TSHZ2: variants seen among roughly 807,000 people sequenced by gnomAD.
TSHZ2 encodes the protein teashirt homolog 2.
In TSHZ2, 21 loss-of-function variants were observed where a neutral mutation model predicts 74.4. The ratio of observed to expected loss-of-function variants is 0.28; its 90% confidence interval spans 0.20 to 0.41. The LOEUF is 0.41. Among genes scored for constraint, TSHZ2 ranks in the 10% least tolerant of loss-of-function variants. The pLI is 1.00. For missense variants in TSHZ2, 1,244 were observed against 1,293.5 expected (o/e 0.96, Z 0.59); for synonymous variants, 540 against 515.3 (o/e 1.05, Z -0.65).
intron 1 of TSHZ2, among the ~76,000 whole-genome samples, chr20:53,197,432 G>A (rs1988899879): frequency 6.6e-6 from 1 of 152,152 alleles, no homozygotes; most frequent in Non-Finnish European, 1.5e-5. Context: ...AACCTTTGGG[G>A]TTTCCTGTTG....
chr20:53,407,213 A>G (rs1016937601), intron 2 of TSHZ2, among the ~76,000 whole-genome samples: 1 of 152,120 alleles, frequency 6.6e-6, no homozygotes, highest in African/African-American at 2.4e-5. Context: ...TTTCCACAAT[A>G]TCTAGTCCTG....
chr20:53,029,866 ATC>A (rs1186294676), intron 1 of TSHZ2, among the ~76,000 whole-genome samples: 1 of 151,940 alleles, frequency 6.6e-6, no homozygotes, highest in African/African-American at 2.4e-5. Flanking sequence ...TTTTTTTGAT[ATC>A]TCCCAATTTT....
intron 2 of TSHZ2, among the ~76,000 whole-genome samples, chr20:53,476,481 A>C (rs1985997022): frequency 6.6e-6 from 1 of 152,056 alleles, no homozygotes; most frequent in African/African-American, 2.4e-5. Context: ...AAAAACTCTC[A>C]ATAAATTAGG....
chr20:53,470,250 TC>T (rs1232838121), intron 2 of TSHZ2, among the ~76,000 whole-genome samples: 1 of 152,324 alleles, frequency 6.6e-6, no homozygotes, highest in African/African-American at 2.4e-5. Context: ...AGTAAAGTAT[TC>T]AATATATTTA....
At chr20:53,260,146 C>T (rs1291411698) in intron 2 of TSHZ2, among the ~76,000 whole-genome samples, 9 of 151,814 alleles carry the variant, frequency 5.9e-5, no homozygotes, top group Admixed American at 2.6e-4. Flanking sequence ...TACTATGCAC[C>T]GGACTCTATT....
intron 2 of TSHZ2, among the ~76,000 whole-genome samples, chr20:53,480,213 C>T (rs879349125): frequency 7.9e-5 from 12 of 151,652 alleles, no homozygotes; most frequent in Admixed American, 5.9e-4. Flanking sequence ...GGATTACAGG[C>T]GCCTGCCACC....
intron 1 of TSHZ2, among the ~76,000 whole-genome samples, chr20:53,020,989 T>C (rs1775462421): frequency 6.6e-6 from 1 of 152,136 alleles, no homozygotes; most frequent in Non-Finnish European, 1.5e-5. Context: ...TTAGGATAAG[T>C]GTGTGAATGA....
intron 2 of TSHZ2, among the ~76,000 whole-genome samples, chr20:53,337,624 A>AC (rs1250934678): frequency 6.6e-6 from 1 of 152,190 alleles, no homozygotes; most frequent in African/African-American, 2.4e-5. Context: ...CTGAACATCT[A>AC]ATGAGTACAA....
chr20:53,050,690 C>T (rs916977451), intron 1 of TSHZ2, among the ~76,000 whole-genome samples: 3 of 152,152 alleles, frequency 2.0e-5, no homozygotes, highest in African/African-American at 7.2e-5. Flanking sequence ...TTTGATAAAG[C>T]AACTGAATAA....
intron 2 of TSHZ2, among the ~76,000 whole-genome samples, chr20:53,385,133 T>TA (rs1297480322): frequency 6.6e-6 from 1 of 151,812 alleles, no homozygotes. Context: ...AAATAAAAAT[T>TA]AAAAAATGAA....
At chr20:53,021,106 T>G (rs1304519613) in intron 1 of TSHZ2, among the ~76,000 whole-genome samples, 1 of 152,216 alleles carries the variant, frequency 6.6e-6, no homozygotes, top group Non-Finnish European at 1.5e-5. Flanking sequence ...CATGGCAGTT[T>G]AACACACATT....
chr20:53,253,350 C>T (rs750604246), intron 1 of TSHZ2, 149 bp from the exon 2 acceptor site: 3 of 1,117,240 alleles, frequency 2.7e-6, no homozygotes, highest in Non-Finnish European at 2.3e-6. Flanking sequence ...CACCATTTGG[C>T]TTTTCCTGTG....
chr20:53,296,661 C>T, intron 2 of TSHZ2, among the ~76,000 whole-genome samples: 1 of 152,172 alleles, frequency 6.6e-6, no homozygotes, highest in East Asian at 1.9e-4. Context: ...AGGTCAAAGC[C>T]ATCTTCCTAG....
rs908707265 is a variant in TSHZ2, at chr20:53,202,820, G to A, written c.41-50679G>A. On this transcript the variant is annotated intron_variant, in intron 1 of 2. Coordinates refer to ENST00000371497, the MANE Select transcript of TSHZ2 (RefSeq NM_173485.6). ...TGTTTTGTTGATGGCTTTAGGCTTT[G>A]GGTTTTGATGTATGCTATAACTTGT... Among the ~76,000 whole-genome samples, 14 of 152,278 alleles carry A rather than the reference G, an allele frequency of 9.2e-5. No homozygotes were observed. In the South Asian group the frequency reaches 2.3e-3, roughly 25 times the overall value.
rs1001239401 is a variant in TSHZ2 at position 53,218,958 on chromosome 20, A to G, written c.41-34541A>G. Among the ~76,000 whole-genome samples the G allele has an allele frequency of 1.1e-4, 16 of 152,320 alleles. 1 individual carries two copies. The highest frequency in any genetic ancestry group is 7.2e-4 in the Admixed American group (11 of 15,300). ...AATATGAACTACCTAATACAGACTTAATCAGTGCAGTTTAATGAATCAGCT... is the reference window on the plus strand; with the variant it reads ...AATATGAACTACCTAATACAGACTTGATCAGTGCAGTTTAATGAATCAGCT... On this transcript the variant is annotated intron_variant, in intron 1 of 2. Transcript: ENST00000371497.
chr20:53,371,086 C>A (rs760328786), intron 2 of TSHZ2, among the ~76,000 whole-genome samples: 3 of 152,164 alleles, frequency 2.0e-5, no homozygotes, highest in Non-Finnish European at 4.4e-5. Context: ...TCTCCGTCCT[C>A]TCTTCTTATA....
At chr20:53,318,655 C>A (rs1979124211) in intron 2 of TSHZ2, among the ~76,000 whole-genome samples, 1 of 152,184 alleles carries the variant, frequency 6.6e-6, no homozygotes. Flanking sequence ...GGGACAGTTG[C>A]TAGGCTCAAT....
chr20:53,343,447 T>C (rs200622), intron 2 of TSHZ2, among the ~76,000 whole-genome samples: 129,591 of 152,146 alleles, frequency 0.85, 55,670 homozygotes, highest in African/African-American at 0.95. Context: ...GCTCCAACTG[T>C]CGGCAGATAA....
intron 2 of TSHZ2, among the ~76,000 whole-genome samples, chr20:53,369,192 G>C (rs746285446): frequency 1.8e-4 from 28 of 152,176 alleles, no homozygotes; most frequent in Non-Finnish European, 1.8e-4. Flanking sequence ...CTGATCCCAG[G>C]AGGTCATGAC....
Sources: allele counts gnomAD v4.1 joint callset (sites outside exome capture counted in the v4.1 genomes callset), GRCh38; gene constraint gnomAD v4.1.1; transcripts MANE v1.5; gene names NCBI Gene and HGNC (gene_info 2026-07-23, HGNC 2026-07-21).